DHX32: variants seen among roughly 807,000 people sequenced by gnomAD.
DHX32 encodes the protein putative pre-mRNA-splicing factor ATP-dependent RNA helicase DHX32.
DHX32 carries 51 observed loss-of-function variants against 70.0 expected under a neutral mutation model. The ratio of observed to expected loss-of-function variants is 0.73; its 90% CI spans 0.58 to 0.92. DHX32 has a LOEUF of 0.92. Among genes scored for constraint, DHX32 ranks in the 40% least tolerant of loss-of-function variants. The pLI, the probability that DHX32 is intolerant of heterozygous loss-of-function variation, is 0.00. For missense variants in DHX32, 762 were observed against 891.8 expected, an observed-to-expected ratio of 0.85 and a Z score of 1.85; for synonymous variants, 310 against 315.3, an observed-to-expected ratio of 0.98 and a Z score of 0.18.
chr10:125,881,816 A>AT (rs1307164494), upstream of DHX32, among the ~76,000 whole-genome samples: 2 of 151,954 alleles, frequency 1.3e-5, no homozygotes, highest in South Asian at 2.1e-4. Flanking sequence ...TAATTTCTGT[A>AT]TTTTTTTGTA....
rs145820689 is a variant in DHX32 at position 125,866,135 on chromosome 10, C to G, written c.476+855G>C. 6.6e-6 allele frequency among the ~76,000 whole-genome samples: 1 copy of G among 152,168 alleles called. No homozygotes were observed. The highest frequency in any genetic ancestry group is 2.4e-5 in the African/African-American group (1 of 41,428). ...GGCAGTGCCCGGGGCAGCTGAAGCC[C>G]GTGGGATGGTCAACTCTGGCTCCAG... On this transcript the variant is annotated intron_variant, in intron 2 of 10. Coordinates refer to ENST00000284690, the MANE Select transcript of DHX32 (RefSeq NM_018180.3). This position sits in a 1 kb window ranked among gnomAD's most constrained non-coding sequence, Gnocchi z 4.8.
chr10:125,884,073 G>C (rs916476946), upstream of DHX32, among the ~76,000 whole-genome samples: 85 of 152,288 alleles, frequency 5.6e-4, no homozygotes, highest in African/African-American at 2.0e-3. Context: ...GCAAAACTAT[G>C]ACATTTATAG....
chr10:125,859,330 T>TA (rs1564827935), intron 3 of DHX32, among the ~76,000 whole-genome samples: 1 of 152,170 alleles, frequency 6.6e-6, no homozygotes, highest in African/African-American at 2.4e-5. Context: ...AGCTGTGCCT[T>TA]TGGGGCAGCC....
At chr10:125,867,541 C>A (rs934143170) in intron 1 of DHX32, among the ~76,000 whole-genome samples, 2 of 152,038 alleles carry the variant, frequency 1.3e-5, no homozygotes, top group African/African-American at 4.8e-5. Flanking sequence ...TCGAGACCAT[C>A]CTGGCTAACA....
chr10:125,886,955 C>T (rs1244631905), intron 1 of DHX32, among the ~76,000 whole-genome samples: 2 of 152,300 alleles, frequency 1.3e-5, no homozygotes, highest in Non-Finnish European at 2.9e-5. Flanking sequence ...CTTTCTGTCT[C>T]TTTACTTACA....
intron 1 of DHX32, among the ~76,000 whole-genome samples, chr10:125,887,722 C>T (rs536015424): frequency 2.0e-5 from 3 of 152,034 alleles, no homozygotes; most frequent in Non-Finnish European, 4.4e-5. Flanking sequence ...GATCCTCCTG[C>T]CTTAGCTTTC....
At chr10:125,857,422 T>C (rs1564827526) in intron 3 of DHX32, among the ~76,000 whole-genome samples, 1 of 152,176 alleles carries the variant, frequency 6.6e-6, no homozygotes, top group Non-Finnish European at 1.5e-5. Context: ...CCCTGAACAA[T>C]GAGGAGCTCA....
intron 3 of DHX32, among the ~76,000 whole-genome samples, chr10:125,856,091 GC>G (rs1296796423): frequency 6.6e-6 from 1 of 152,200 alleles, no homozygotes; most frequent in East Asian, 1.9e-4. Flanking sequence ...GGGCAGAAAA[GC>G]TTTAAAAAAT....
chr10:125,880,054 C>T (rs933133608), intron 1 of DHX32, among the ~76,000 whole-genome samples: 1 of 152,186 alleles, frequency 6.6e-6, no homozygotes, highest in African/African-American at 2.4e-5. Context: ...TATTTAGTTG[C>T]TCAGTTATTT....
chr10:125,857,331 C>A (rs1201644343), intron 3 of DHX32, among the ~76,000 whole-genome samples: 1 of 152,210 alleles, frequency 6.6e-6, no homozygotes, highest in South Asian at 2.1e-4. Context: ...AAACCTGGTG[C>A]CCAGGTAAAG....
Position 125,836,379 on chromosome 10 carries a change from C to T in DHX32, c.*308G>A. On this transcript the variant is annotated 3_prime_UTR_variant, in exon 11 of 11. Coordinates refer to ENST00000284690, the MANE Select transcript of DHX32 (RefSeq NM_018180.3). The stretch of plus-strand genomic sequence containing the variant: ...ACTTTATTCAGATTAAGTTCCTCTA[C>T]AAAAAGTAGGGTTCTGTCCCATGTG... The T allele has an allele frequency of 6.4e-7, 1 of 1,561,242 alleles. No individual in the cohort carries two copies. Among genetic ancestry groups the T allele is most frequent in the Non-Finnish European group, 8.6e-7 (1 of 1,156,958 alleles).
intron 1 of DHX32, among the ~76,000 whole-genome samples, chr10:125,867,654 T>G (rs1189912929): frequency 1.4e-5 from 2 of 147,032 alleles, no homozygotes; most frequent in African/African-American, 2.5e-5. Flanking sequence ...GAGAATGGCG[T>G]GAACCCGGGA....
At chr10:125,887,544 A>C (rs1944346932) in intron 1 of DHX32, among the ~76,000 whole-genome samples, 1 of 152,208 alleles carries the variant, frequency 6.6e-6, no homozygotes, top group Admixed American at 6.5e-5. Flanking sequence ...CTTGATCCAA[A>C]TTTCATTTTT....
rs552754249 is a variant in DHX32 at position 125,880,713 on chromosome 10, A to G, written c.112T>C (p.Leu38=). ...AATCCATCAAAGGGGTTAAGTTCCA[A>G]ATCCTCACAGGCCAAAACCTCTTCC... ...DEEEVLACED[L]ELNPFDGLPY... is the part of the protein sequence containing the mutation. Residue 38 remains leucine (L), a synonymous_variant, in exon 1 of 11, where the codon TTG becomes CTG. Transcript: ENST00000284690. 3.1e-6 allele frequency: 5 copies of G among 1,614,222 alleles called. No homozygotes were observed. Among genetic ancestry groups the G allele is most frequent in the Admixed American group, 1.7e-5 (1 of 60,026 alleles).
intron 1 of DHX32, among the ~76,000 whole-genome samples, chr10:125,872,647 G>A (rs1448654837): frequency 6.6e-6 from 1 of 152,120 alleles, no homozygotes; most frequent in Non-Finnish European, 1.5e-5. Context: ...CTTTTTTCAT[G>A]TTTCTCAATC....
intron 6 of DHX32, among the ~76,000 whole-genome samples, chr10:125,846,871 G>C (rs1179000778): frequency 6.6e-6 from 1 of 152,068 alleles, no homozygotes; most frequent in Non-Finnish European, 1.5e-5. Flanking sequence ...TAAAGCTTAG[G>C]GCAGAGAGCA....
chr10:125,840,729 T>C, intron 8 of DHX32, 118 bp downstream of exon 8: 1 of 1,169,144 alleles, frequency 8.6e-7, no homozygotes, highest in Non-Finnish European at 1.2e-6. Flanking sequence ...CAAGTGCCAT[T>C]GCATTCAAGT....
intron 1 of DHX32, among the ~76,000 whole-genome samples, chr10:125,880,165 T>G (rs1240739100): frequency 6.6e-6 from 1 of 152,166 alleles, no homozygotes; most frequent in Non-Finnish European, 1.5e-5. Flanking sequence ...CTCAGACCAC[T>G]GGGCACTGAA....
At chr10:125,863,569 TC>T (rs1944202175) in intron 2 of DHX32, among the ~76,000 whole-genome samples, 1 of 151,782 alleles carries the variant, frequency 6.6e-6, no homozygotes, top group Admixed American at 6.6e-5. Flanking sequence ...TGCCTCAGCC[TC>T]CTGAGCAGCT....
Sources: gnomAD v4.1 joint callset for allele counts (sites outside exome capture counted in the v4.1 genomes callset) on GRCh38, gnomAD v4.1.1 for gene constraint, Gnocchi (gnomAD v3.1) non-coding constraint, MANE v1.5 for transcripts, NCBI Gene and HGNC (gene_info 2026-07-23, HGNC 2026-07-21) for gene names.